DNAH7: variants seen among roughly 807,000 people sequenced by gnomAD.
The protein encoded by DNAH7 is dynein axonemal heavy chain 7.
A neutral mutation model predicts 444.6 loss-of-function variants in DNAH7; 397 were observed. That is an observed-to-expected ratio of 0.89 (90% CI 0.82 to 0.97). The LOEUF is 0.97. Ranked by LOEUF, DNAH7 falls within the 50% of genes least tolerant of loss-of-function variation. The pLI, the probability that DNAH7 is intolerant of heterozygous loss-of-function variation, is 0.00. For synonymous variants in DNAH7, 1,636 were observed against 1,624.4 expected, an observed-to-expected ratio of 1.01 and a Z score of -0.17; for missense variants, 4,902 against 4,800.8, an observed-to-expected ratio of 1.02 and a Z score of -0.62.
rs753240728 is a variant in DNAH7, at chr2:195,960,521, A to T, written c.2630T>A (p.Leu877Ter). 6.2e-7 allele frequency: 1 copy of T among 1,614,198 alleles called. No homozygotes were observed. ...PSDDSTVSSF[L>*]DMNLEPYIDR... ...TATATATGGTTCCAGATTCATGTCT[A>T]AAAAAGAGGAGACTGTGGAGTCATC... The change falls in exon 18 of 65, where the codon TTA (leucine) becomes TAA (stop). Residue 877 changes from leucine to a stop codon, truncating the protein, a stop_gained. Coordinates refer to ENST00000312428, the MANE Select transcript of DNAH7 (RefSeq NM_018897.3). LOFTEE classifies it high-confidence loss of function.
chr2:195,843,129 C>A (rs1698787511), intron 47 of DNAH7, among the ~76,000 whole-genome samples: 1 of 152,128 alleles, frequency 6.6e-6, no homozygotes, highest in African/African-American at 2.4e-5. Flanking sequence ...AGTTAGACTT[C>A]CAAAATTTCA....
At chr2:195,870,918 C>G (rs1441117808) in intron 40 of DNAH7, among the ~76,000 whole-genome samples, 2 of 152,192 alleles carry the variant, frequency 1.3e-5, no homozygotes, top group Admixed American at 1.3e-4. Flanking sequence ...AATTCAGCAT[C>G]ATCCTCCCTG....
intron 12 of DNAH7, chr2:195,994,278 A>T: frequency 7.3e-6 from 3 of 408,358 alleles, no homozygotes; most frequent in Non-Finnish European, 9.3e-6. Flanking sequence ...CACCAGTGGA[A>T]GCTTTTCCAA....
chr2:195,996,886 G>A (rs1052446367), intron 12 of DNAH7, among the ~76,000 whole-genome samples: 4 of 152,058 alleles, frequency 2.6e-5, no homozygotes, highest in African/African-American at 9.7e-5. Context: ...GTTATCCATG[G>A]GGCATTTGCC....
intron 63 of DNAH7, 120 bp downstream of exon 63, chr2:195,754,217 A>G (rs1693955017): frequency 1.8e-6 from 2 of 1,109,194 alleles, no homozygotes; most frequent in Admixed American, 5.2e-5. Flanking sequence ...TTTCTCTGGC[A>G]TTTAAGGTAA....
rs114955651 is a variant in DNAH7, at chr2:195,839,931, A to C, written c.8945+5071T>G. Reference sequence around the variant, plus strand: ...ATAATTTCTTTGGTCATTTCTATGAAACATTTAAGAAAGAAATAATTCTAA... The same window carrying C: ...ATAATTTCTTTGGTCATTTCTATGACACATTTAAGAAAGAAATAATTCTAA... On this transcript the variant is annotated intron_variant, in intron 47 of 64. Coordinates refer to ENST00000312428, the MANE Select transcript of DNAH7 (RefSeq NM_018897.3). Among the ~76,000 whole-genome samples, 256 of 151,936 alleles carry C rather than the reference A, an allele frequency of 1.7e-3. 1 individual carries two copies. The highest frequency in any genetic ancestry group is 3.3e-3 in the Non-Finnish European group (222 of 67,708).
intron 27 of DNAH7, chr2:195,901,016 A>G (rs1686673451): frequency 6.6e-6 from 1 of 152,408 alleles, no homozygotes; most frequent in Admixed American, 6.5e-5. Flanking sequence ...TTGTAAAGAT[A>G]ATCATGCTCT....
chr2:195,909,883 T>C (rs1457827326), intron 25 of DNAH7, 144 bp downstream of exon 25: 2 of 826,990 alleles, frequency 2.4e-6, no homozygotes, highest in Non-Finnish European at 3.6e-6. Flanking sequence ...CTTATTTCCT[T>C]TAAGAATTAT....
intron 55 of DNAH7, among the ~76,000 whole-genome samples, chr2:195,796,981 T>C (rs1696176184): frequency 6.6e-6 from 1 of 152,186 alleles, no homozygotes; most frequent in South Asian, 2.1e-4. Flanking sequence ...GTAGAGTCTT[T>C]GGTTGTTGAT....
intron 63 of DNAH7, among the ~76,000 whole-genome samples, chr2:195,748,807 C>T (rs1185994196): frequency 1.3e-5 from 2 of 152,136 alleles, no homozygotes; most frequent in Non-Finnish European, 2.9e-5. Context: ...AACTGGATCC[C>T]TTCCTTACAC....
chr2:195,883,726 C>T (rs568361515), intron 35 of DNAH7, among the ~76,000 whole-genome samples: 2 of 152,104 alleles, frequency 1.3e-5, no homozygotes, highest in South Asian at 2.1e-4. Flanking sequence ...TGGGCACAGT[C>T]GCGCCTTTTG....
intron 63 of DNAH7, among the ~76,000 whole-genome samples, chr2:195,747,820 T>C (rs886451680): frequency 3.3e-5 from 5 of 152,152 alleles, no homozygotes; most frequent in African/African-American, 4.8e-5. Flanking sequence ...AAATTAGGTA[T>C]CGATGGGACA....
intron 54 of DNAH7, among the ~76,000 whole-genome samples, chr2:195,804,670 A>G (rs1386103840): frequency 6.6e-6 from 1 of 152,022 alleles, no homozygotes; most frequent in African/African-American, 2.4e-5. Flanking sequence ...TTTTGATGGC[A>G]GGGAGAGCAC....
At chr2:195,923,498 G>T in intron 23 of DNAH7, 97 bp downstream of exon 23, 1 of 1,176,618 alleles carries the variant, frequency 8.5e-7, no homozygotes, top group Non-Finnish European at 1.2e-6. Flanking sequence ...AAAGATCTCA[G>T]ATTACTGCTA....
intron 27 of DNAH7, chr2:195,903,557 T>C (rs550420527): frequency 3.3e-5 from 5 of 152,304 alleles, no homozygotes; most frequent in Admixed American, 6.5e-5. Context: ...ATCTAAAATA[T>C]AGCTTCTCTA....
intron 19 of DNAH7, among the ~76,000 whole-genome samples, chr2:195,938,088 T>A (rs957119501): frequency 5.9e-5 from 9 of 151,978 alleles, no homozygotes; most frequent in African/African-American, 2.2e-4. Flanking sequence ...ATTGCAGGAG[T>A]CTCTAAAGTA....
At chr2:196,024,322 T>C in intron 8 of DNAH7, 107 bp downstream of exon 8, 2 of 707,064 alleles carry the variant, frequency 2.8e-6, no homozygotes, top group Non-Finnish European at 4.3e-6. Flanking sequence ...CACATATACA[T>C]TTATATATAA....
chr2:196,065,206 G>C (rs1176164945), intron 1 of DNAH7, among the ~76,000 whole-genome samples: 2 of 152,190 alleles, frequency 1.3e-5, no homozygotes, highest in East Asian at 3.8e-4. Flanking sequence ...GACAATGATA[G>C]AAACACATTG....
chr2:195,987,407 A>G (rs1191819974), intron 13 of DNAH7, among the ~76,000 whole-genome samples: 1 of 152,088 alleles, frequency 6.6e-6, no homozygotes, highest in Non-Finnish European at 1.5e-5. Context: ...ATTATCTTGG[A>G]AGCCAATTCA....
Sources: allele counts gnomAD v4.1 joint callset (sites outside exome capture counted in the v4.1 genomes callset), GRCh38; gene constraint gnomAD v4.1.1; transcripts MANE v1.5; gene names NCBI Gene and HGNC (gene_info 2026-07-23, HGNC 2026-07-21).